The following IRAK2 variants were observed in gnomAD, a reference collection of about 807,000 sequenced individuals.
IRAK2 encodes the protein interleukin 1 receptor associated kinase 2.
Under a neutral mutation model 72.0 loss-of-function variants are expected in IRAK2, and 57 were observed. The ratio of observed to expected loss-of-function variants is 0.79; its 90% CI spans 0.64 to 0.99. IRAK2 has a LOEUF of 0.99. IRAK2 is among the 50% of genes least tolerant of loss of function. The pLI is 0.00. For missense variants in IRAK2, 790 were observed against 794.4 expected (o/e 0.99, Z 0.07); for synonymous variants, 293 against 312.7 (o/e 0.94, Z 0.67).
In IRAK2 at chr3:10,188,754, G is replaced by A. The variant is rs572554666; in HGVS notation, c.277+10734G>A. Reference sequence around the variant, plus strand: ...TTGGTCAGGCTGGTCTCAAACTCCCGACCTCAGGTGATCCCCCTGCCTTGG... The same window carrying A: ...TTGGTCAGGCTGGTCTCAAACTCCCAACCTCAGGTGATCCCCCTGCCTTGG... On this transcript the variant is annotated intron_variant, in intron 2 of 12. Coordinates refer to ENST00000256458, the MANE Select transcript of IRAK2 (RefSeq NM_001570.4). Among the ~76,000 whole-genome samples, 5 of 152,344 alleles carry A rather than the reference G, an allele frequency of 3.3e-5. No homozygotes were observed. In the South Asian group the frequency reaches 1.0e-3, roughly 32 times the overall value.
chr3:10,238,142 G>A (rs6442162), intron 11 of IRAK2, among the ~76,000 whole-genome samples: 1,542 of 152,120 alleles, frequency 0.01, 20 homozygotes, highest in African/African-American at 0.035. Context: ...GGAGGGGGAA[G>A]AATATGAATG....
At chr3:10,219,088 T>G (rs1697648050) in intron 7 of IRAK2, among the ~76,000 whole-genome samples, 1 of 152,134 alleles carries the variant, frequency 6.6e-6, no homozygotes, top group Non-Finnish European at 1.5e-5. Flanking sequence ...ATCCCAGCTA[T>G]TCGGGAGTCT....
intron 1 of IRAK2, among the ~76,000 whole-genome samples, chr3:10,166,980 A>G (rs1272096708): frequency 1.3e-5 from 2 of 152,176 alleles, no homozygotes; most frequent in African/African-American, 4.8e-5. Context: ...TGGGCAGTGA[A>G]CAAACTTTGT....
chr3:10,182,973 T>G (rs1362788478), intron 2 of IRAK2, among the ~76,000 whole-genome samples: 1 of 152,108 alleles, frequency 6.6e-6, no homozygotes, highest in African/African-American at 2.4e-5. Context: ...GGTTTCACCA[T>G]GTTGGCCAGG....
At chr3:10,207,992 CAAAA>C (rs35298616) in intron 3 of IRAK2, among the ~76,000 whole-genome samples, 2 of 94,998 alleles carry the variant, frequency 2.1e-5, no homozygotes, top group Non-Finnish European at 2.0e-5. Context: ...ACTCTGTTTC[CAAAA>C]AAAAAAAAAA....
In IRAK2 at chr3:10,202,154, A is replaced by G. The variant is rs555249416; in HGVS notation, c.424+1639A>G. On this transcript the variant is annotated intron_variant, in intron 3 of 12. Coordinates refer to ENST00000256458, the MANE Select transcript of IRAK2 (RefSeq NM_001570.4). The stretch of plus-strand genomic sequence containing the variant: ...TGGATTATTTCCTGTAGCTAAATAT[A>G]TGTATTTTTAAGTGTAGACTTTTGA... Among the ~76,000 whole-genome samples, 279 of 152,286 alleles carry G rather than the reference A, an allele frequency of 1.8e-3. 1 individual carries two copies. Among genetic ancestry groups the G allele is most frequent in the Non-Finnish European group, 3.4e-3 (231 of 68,018 alleles).
chr3:10,219,692 C>T lies in IRAK2; in HGVS notation c.916C>T (p.Pro306Ser). The part of the protein sequence containing the change: ...DRLQGQGGSD[P>S]LPWPQRVSIC... ...TTCTTTCTCTTAGGGTGGCTCGGAC[C>T]CCCTCCCCTGGCCCCAGCGTGTCAG... Residue 306 changes from proline (P) to serine (S), a missense_variant, in exon 8 of 13, where the codon CCC (proline) becomes TCC (serine). Coordinates refer to ENST00000256458, the MANE Select transcript of IRAK2 (RefSeq NM_001570.4). 1.2e-6 allele frequency: 2 copies of T among 1,613,612 alleles called. No individual in the cohort carries two copies. The highest frequency in any genetic ancestry group is 1.7e-6 in the Non-Finnish European group (2 of 1,179,600).
At chr3:10,212,176 T>A (rs943452072) in intron 4 of IRAK2, among the ~76,000 whole-genome samples, 5 of 152,128 alleles carry the variant, frequency 3.3e-5, no homozygotes, top group African/African-American at 7.2e-5. Flanking sequence ...ACACATGCAG[T>A]CTCTGGAATT....
chr3:10,175,908 A>G (rs1183143916), intron 1 of IRAK2, among the ~76,000 whole-genome samples: 66 of 150,750 alleles, frequency 4.4e-4, no homozygotes, highest in Middle Eastern at 3.4e-3. Flanking sequence ...AAAAAAAAAA[A>G]AAAAAGAAAA....
intron 10 of IRAK2, among the ~76,000 whole-genome samples, chr3:10,232,104 G>A (rs1186293487): frequency 6.6e-6 from 1 of 151,888 alleles, no homozygotes; most frequent in East Asian, 2.0e-4. Flanking sequence ...TACAGCCTGG[G>A]CGACAGAGCG....
intron 6 of IRAK2, among the ~76,000 whole-genome samples, chr3:10,215,807 T>C (rs1173436364): frequency 6.6e-6 from 1 of 151,198 alleles, no homozygotes; most frequent in Non-Finnish European, 1.5e-5. Flanking sequence ...TAATAAAAAC[T>C]GGAAGTATGA....
chr3:10,232,987 C>T (rs952911313), intron 10 of IRAK2, among the ~76,000 whole-genome samples: 3 of 152,132 alleles, frequency 2.0e-5, no homozygotes, highest in African/African-American at 4.8e-5. Context: ...TCGATTGAAT[C>T]GAGGAGGTTG....
In IRAK2 at chr3:10,234,590, G is replaced by A. The variant is rs764542638; in HGVS notation, c.1404G>A (p.Glu468=). 1.9e-6 allele frequency: 3 copies of A among 1,613,548 alleles called. No homozygotes were observed. Among genetic ancestry groups the A allele is most frequent in the South Asian group, 2.2e-5 (2 of 91,094 alleles). ...AGAAGGGCGCAGGGAGGCTTCCGGA[G>A]GACTGCGCCGAGGCCCTGGCCACGG... ...YLEKGAGRLP[E]DCAEALATAA... Residue 468 remains glutamate, a synonymous_variant, in exon 11 of 13, where the codon GAG becomes GAA. Coordinates refer to ENST00000256458, the MANE Select transcript of IRAK2 (RefSeq NM_001570.4).
Position 10,176,983 on chromosome 3 carries a change from A to G in IRAK2, c.95-855A>G, listed in dbSNP as rs187203985. The stretch of plus-strand genomic sequence containing the variant: ...ACGCCCGGCTAATTTTTCTATTTTT[A>G]GTAGAGACAGGGTTTCACCGTGTTA... On this transcript the variant is annotated intron_variant, in intron 1 of 12. Transcript: ENST00000256458. 6.6e-3 allele frequency among the ~76,000 whole-genome samples: 1,004 copies of G among 151,390 alleles called. 1 individual carries two copies. The highest frequency in any genetic ancestry group is 0.038 in the Middle Eastern group (11 of 292).
chr3:10,200,255 G>A lies in IRAK2; in HGVS notation c.278-114G>A, dbSNP rs541440330. 13 of 889,442 alleles carry A rather than the reference G, an allele frequency of 1.5e-5. No individual in the cohort carries two copies. In the South Asian group the frequency reaches 2.2e-4, roughly 15 times the overall value. The allele number at this position is 889,442 out of a possible 1,614,324, so 55.1% of individuals were successfully genotyped here. ...AGACCCTCCCGCCCTGCAACACCAT[G>A]CATTTGTGGCAGAGCCAGAATTAGA... On this transcript the variant is annotated intron_variant, in intron 2 of 12. Coordinates refer to ENST00000256458, the MANE Select transcript of IRAK2 (RefSeq NM_001570.4).
chr3:10,167,748 T>C (rs1378337151), intron 1 of IRAK2, among the ~76,000 whole-genome samples: 1 of 152,136 alleles, frequency 6.6e-6, no homozygotes, highest in Non-Finnish European at 1.5e-5. Context: ...TGTTCCATGG[T>C]ATGGATATAC....
At chr3:10,167,560 G>A (rs904322397) in intron 1 of IRAK2, among the ~76,000 whole-genome samples, 6 of 152,032 alleles carry the variant, frequency 3.9e-5, no homozygotes, top group Non-Finnish European at 5.9e-5. Context: ...GACTACAGGT[G>A]CCTGCCACCA....
At chr3:10,225,720 A>G (rs1157848629) in intron 9 of IRAK2, among the ~76,000 whole-genome samples, 2 of 144,282 alleles carry the variant, frequency 1.4e-5, no homozygotes, top group Admixed American at 7.0e-5. Context: ...TTTTTTTGAG[A>G]CGGAGTCTTG....
chr3:10,185,228 G>A (rs1284659574), intron 2 of IRAK2, among the ~76,000 whole-genome samples: 1 of 151,430 alleles, frequency 6.6e-6, no homozygotes, highest in African/African-American at 2.5e-5. Context: ...TCTGGCTTAA[G>A]TTCCCCAGAT....
Sources: allele counts gnomAD v4.1 joint callset (sites outside exome capture counted in the v4.1 genomes callset), GRCh38; gene constraint gnomAD v4.1.1; transcripts MANE v1.5; gene names NCBI Gene and HGNC (gene_info 2026-07-23, HGNC 2026-07-21).